The following OSBPL2 variants were observed in gnomAD, a reference collection of about 807,000 sequenced individuals.
The protein encoded by OSBPL2 is oxysterol binding protein like 2, also known as oxysterol-binding protein-related protein 2.
In OSBPL2, 18 loss-of-function variants were observed where a neutral mutation model predicts 58.4. The observed-to-expected ratio is 0.31, with a 90% CI of 0.21 to 0.46. The LOEUF (loss-of-function observed/expected upper bound fraction) is 0.46. Ranked by LOEUF, OSBPL2 falls within the 20% of genes least tolerant of loss-of-function variation. OSBPL2 has a pLI of 1.00. For missense variants in OSBPL2, 461 were observed against 616.5 expected (o/e 0.75, Z 2.67); for synonymous variants, 221 against 234.1 (o/e 0.94, Z 0.51).
chr20:62,239,993 C>G (rs1392872793), intron 1 of OSBPL2, among the ~76,000 whole-genome samples: 1 of 152,196 alleles, frequency 6.6e-6, no homozygotes, highest in Non-Finnish European at 1.5e-5. Context: ...GCTGGGACCA[C>G]AGGCGCCGGC....
At chr20:62,277,403 G>A (rs1326923154) in intron 6 of OSBPL2, among the ~76,000 whole-genome samples, 1 of 152,278 alleles carries the variant, frequency 6.6e-6, no homozygotes, top group Non-Finnish European at 1.5e-5. Context: ...TGCACCCGGG[G>A]CCGGAGCTCC....
intron 2 of OSBPL2, among the ~76,000 whole-genome samples, chr20:62,258,115 G>T (rs1981053489): frequency 6.6e-6 from 1 of 152,174 alleles, no homozygotes; most frequent in Non-Finnish European, 1.5e-5. Flanking sequence ...GAGCCACAGG[G>T]TGTGCGGGGC....
At chr20:62,280,242 T>C in intron 7 of OSBPL2, 1 of 687,534 alleles carries the variant, frequency 1.5e-6, no homozygotes, top group South Asian at 1.7e-5. Context: ...TGGGTTTTGC[T>C]TCACATTGGC....
intron 1 of OSBPL2, among the ~76,000 whole-genome samples, chr20:62,249,247 AG>A (rs1228930611): frequency 6.6e-6 from 1 of 152,186 alleles, no homozygotes; most frequent in Non-Finnish European, 1.5e-5. Flanking sequence ...TCACTGGAGA[AG>A]GACAAAGGGC....
rs562921477 is a variant in OSBPL2, at chr20:62,290,799, C to T, written c.1250-904C>T. Among the ~76,000 whole-genome samples the T allele has an allele frequency of 6.9e-5, 10 of 144,912 alleles. No homozygotes were observed. The South Asian group carries it at 1.3e-3, about 19-fold the overall frequency. On this transcript the variant is annotated intron_variant, in intron 12 of 13. Transcript: ENST00000313733. ...TGTTGCCCAGGCTGGAGTGCAGTGG[C>T]GTGATCTCGGCTCACTGCAACCTCT...
At chr20:62,238,915 C>CCCCGG (rs1375931540) in intron 1 of OSBPL2, 3 of 152,140 alleles carry the variant, frequency 2.0e-5, no homozygotes, top group Non-Finnish European at 2.9e-5. Flanking sequence ...ATCCCGGGAC[C>CCCCGG]CCCGGCCCGG....
chr20:62,288,407 C>CTA lies in OSBPL2; in HGVS notation c.1126-799_1126-798insAT, dbSNP rs1224548171. On this transcript the variant is annotated intron_variant, in intron 11 of 13. Transcript: ENST00000313733. This position sits in a 1 kb window ranked among gnomAD's most constrained non-coding sequence, Gnocchi z 4.8. ...GGCTGTGGGTGCAGAGGCTGGGAGG[C>CTA]TGTGGGTGCAGAGGCTGGGAGGCTA... Among the ~76,000 whole-genome samples the CTA allele has an allele frequency of 2.0e-5, 3 of 150,898 alleles. No homozygotes were observed. The highest frequency in any genetic ancestry group is 4.4e-5 in the Non-Finnish European group (3 of 67,728).
Position 62,250,781 on chromosome 20 carries a change from C to T in OSBPL2, c.-128-5276C>T, listed in dbSNP as rs952702816. On this transcript the variant is annotated intron_variant, in intron 1 of 13. Transcript: ENST00000313733. ...ACAAGCAGTTTTTTAAACAATTAGC[C>T]GGGTATGATGGTGTACGCCTGTGGT... is the stretch of plus-strand genomic sequence containing the variant. 5.9e-5 allele frequency among the ~76,000 whole-genome samples: 9 copies of T among 151,906 alleles called. No homozygotes were observed. In the East Asian group the frequency reaches 1.2e-3, roughly 20 times the overall value.
chr20:62,277,651 C>T (rs1226392303), intron 6 of OSBPL2, among the ~76,000 whole-genome samples: 1 of 152,214 alleles, frequency 6.6e-6, no homozygotes, highest in Non-Finnish European at 1.5e-5. Flanking sequence ...GACAAGTATT[C>T]ATTTTGTAAA....
intron 11 of OSBPL2, 111 bp downstream of exon 11, chr20:62,286,822 C>T (rs948126035): frequency 5.8e-5 from 75 of 1,304,160 alleles, no homozygotes; most frequent in Middle Eastern, 5.5e-4. Flanking sequence ...CGCCTCGCCT[C>T]AGCCTGTTGT....
chr20:62,281,915 C>A, intron 9 of OSBPL2, 36 bp downstream of exon 9: 1 of 1,417,070 alleles, frequency 7.1e-7, no homozygotes, highest in Non-Finnish European at 1.0e-6. Flanking sequence ...GGCACCACTA[C>A]AGCCTGTGTG....
At chr20:62,290,821 C>T (rs1306068625) in intron 12 of OSBPL2, among the ~76,000 whole-genome samples, 2 of 150,440 alleles carry the variant, frequency 1.3e-5, no homozygotes, top group Admixed American at 1.3e-4. Context: ...TCACTGCAAC[C>T]TCTGCTCACA....
At chr20:62,264,075 A>C (rs1043862334) in intron 4 of OSBPL2, among the ~76,000 whole-genome samples, 13 of 152,074 alleles carry the variant, frequency 8.5e-5, no homozygotes, top group Non-Finnish European at 1.3e-4. Context: ...CAAAAAAAAA[A>C]AAAAAAGAAA....
In OSBPL2 at chr20:62,263,596, A is replaced by C; in HGVS notation, c.183-20A>C. Reference sequence around the variant, plus strand: ...TCCTGTGTTGAATTCACCCACACGCACCCCTTTTGTGCTTCGCAGGACATC... The same window carrying C: ...TCCTGTGTTGAATTCACCCACACGCCCCCCTTTTGTGCTTCGCAGGACATC... On this transcript the variant is annotated intron_variant, in intron 3 of 13. Transcript: ENST00000313733. 6.2e-7 allele frequency: 1 copy of C among 1,609,072 alleles called. No individual in the cohort carries two copies.
chr20:62,290,735 TTTTTTTTG>T (rs1568854919), intron 12 of OSBPL2, among the ~76,000 whole-genome samples: 3 of 145,770 alleles, frequency 2.1e-5, no homozygotes, highest in African/African-American at 7.9e-5. Flanking sequence ...TTTTTTTTTG[TTTTTTTTG>T]TTTTTTTTTT....
chr20:62,250,059 A>AG (rs1360335804), intron 1 of OSBPL2, among the ~76,000 whole-genome samples: 3 of 152,186 alleles, frequency 2.0e-5, no homozygotes, highest in African/African-American at 7.2e-5. Context: ...TTGCCCCCTT[A>AG]GGAACTTGCC....
rs1424300461 is a variant in OSBPL2 at position 62,249,696 on chromosome 20, TC to T, written c.-128-6358del. Among the ~76,000 whole-genome samples the T allele has an allele frequency of 6.3e-4, 96 of 152,224 alleles. 1 individual carries two copies. Among genetic ancestry groups the T allele is most frequent in the Non-Finnish European group, 1.3e-4 (9 of 68,036 alleles). On this transcript the variant is annotated intron_variant, in intron 1 of 13. Transcript: ENST00000313733. ...TTCAAGCAATTCTCCTGCCTCAGCC[TC>T]CCGAGTAGCTGGGATTACAGGCATG...
rs940490270 is a variant in OSBPL2 at position 62,264,467 on chromosome 20, C to T, written c.258+776C>T. Among the ~76,000 whole-genome samples the T allele has an allele frequency of 3.9e-5, 6 of 152,248 alleles. 1 individual carries two copies. In the South Asian group the frequency reaches 8.3e-4, roughly 21 times the overall value. The stretch of plus-strand genomic sequence containing the variant: ...TGTACCGTGCTGGTTCCTGGGCCAG[C>T]GCTTGATGCCTGAAAACTCACATGG... On this transcript the variant is annotated intron_variant, in intron 4 of 13. Coordinates refer to ENST00000313733, the MANE Select transcript of OSBPL2 (RefSeq NM_144498.4).
chr20:62,245,597 G>A (rs1334856141), intron 1 of OSBPL2, among the ~76,000 whole-genome samples: 4 of 152,164 alleles, frequency 2.6e-5, no homozygotes, highest in Non-Finnish European at 5.9e-5. Flanking sequence ...TGATGCAGTT[G>A]GACTTAACCT....
Sources: gnomAD v4.1 joint callset for allele counts (sites outside exome capture counted in the v4.1 genomes callset) on GRCh38, gnomAD v4.1.1 for gene constraint, Gnocchi (gnomAD v3.1) non-coding constraint, MANE v1.5 for transcripts, NCBI Gene and HGNC (gene_info 2026-07-23, HGNC 2026-07-21) for gene names.